The following CCBE1 variants were observed in gnomAD, a reference collection of about 807,000 sequenced individuals.
CCBE1 encodes collagen and calcium binding EGF domains 1, also known as collagen and calcium-binding EGF domain-containing protein 1.
Under a neutral mutation model 50.0 loss-of-function variants are expected in CCBE1, and 37 were observed. That is an observed-to-expected ratio of 0.74 (90% CI 0.57 to 0.97). CCBE1 has a LOEUF of 0.97. CCBE1 is among the 50% of genes least tolerant of loss of function. CCBE1 has a pLI of 0.00. For missense variants in CCBE1, 538 were observed against 523.8 expected (o/e 1.03, Z -0.26); for synonymous variants, 234 against 203.7 (o/e 1.15, Z -1.27).
At chr18:59,655,477 T>C (rs2054177595) in intron 2 of CCBE1, among the ~76,000 whole-genome samples, 1 of 152,152 alleles carries the variant, frequency 6.6e-6, no homozygotes, top group African/African-American at 2.4e-5. Context: ...AACATTTGAA[T>C]TCAGTTTCTC....
intron 2 of CCBE1, among the ~76,000 whole-genome samples, chr18:59,514,269 A>G (rs1914264731): frequency 1.3e-5 from 2 of 152,162 alleles, no homozygotes; most frequent in South Asian, 4.1e-4. Flanking sequence ...CGTATCCAAT[A>G]CACTGATGCT....
intron 2 of CCBE1, among the ~76,000 whole-genome samples, chr18:59,689,705 G>A (rs946693042): frequency 6.6e-6 from 1 of 152,200 alleles, no homozygotes; most frequent in Non-Finnish European, 1.5e-5. Context: ...TGGCCTAGGT[G>A]AACTGGGCTT....
At chr18:59,638,277 C>T (rs533969142) in intron 2 of CCBE1, among the ~76,000 whole-genome samples, 2 of 152,292 alleles carry the variant, frequency 1.3e-5, no homozygotes, top group East Asian at 1.9e-4. Context: ...AGAGAACTTT[C>T]ACACGCATAG....
intron 2 of CCBE1, among the ~76,000 whole-genome samples, chr18:59,511,322 T>C (rs1914123052): frequency 6.6e-6 from 1 of 152,240 alleles, no homozygotes; most frequent in African/African-American, 2.4e-5. Context: ...TTAATCAGAA[T>C]GATAACGATT....
intron 10 of CCBE1, among the ~76,000 whole-genome samples, chr18:59,437,061 G>A (rs756493166): frequency 6.6e-6 from 1 of 152,206 alleles, no homozygotes; most frequent in Non-Finnish European, 1.5e-5. Context: ...ATGAAGTTGA[G>A]AGGATGTTGT....
intron 2 of CCBE1, among the ~76,000 whole-genome samples, chr18:59,601,078 C>A (rs1053377509): frequency 1.7e-5 from 2 of 121,018 alleles, no homozygotes; most frequent in African/African-American, 6.2e-5. Flanking sequence ...GTCTCCCAGG[C>A]TGGAGTGCAG....
In CCBE1 at chr18:59,668,819, CTTTTTTTT is replaced by C. The variant is rs34632549; in HGVS notation, c.212+27802_212+27809del. ...TGCTGGATGATGGTTTTCCATAAGT[CTTTTTTTT>C]TTTTTTTTTTTTTGTGATATGGAGT... On this transcript the variant is annotated intron_variant, in intron 2 of 10. Transcript: ENST00000439986. Among the ~76,000 whole-genome samples, 4 of 99,176 alleles carry C rather than the reference CTTTTTTTT, an allele frequency of 4.0e-5. No individual in the cohort carries two copies. In the Admixed American group the frequency reaches 4.8e-4, roughly 12 times the overall value. The allele number at this position is 99,176 out of a possible 152,430, so 65.1% of individuals were successfully genotyped here.
At chr18:59,634,473 G>A (rs2053891285) in intron 2 of CCBE1, among the ~76,000 whole-genome samples, 1 of 152,188 alleles carries the variant, frequency 6.6e-6, no homozygotes, top group South Asian at 2.1e-4. Context: ...GTCCCGTGGA[G>A]GCCTGCTCTC....
rs115516168 is a variant in CCBE1, at chr18:59,502,888, C to T, written c.213-22650G>A. Among the ~76,000 whole-genome samples, 791 of 152,272 alleles carry T rather than the reference C, an allele frequency of 5.2e-3. 6 individuals are homozygous for T. Among genetic ancestry groups the T allele is most frequent in the African/African-American group, 0.018 (730 of 41,568 alleles). On this transcript the variant is annotated intron_variant, in intron 2 of 10. Coordinates refer to ENST00000439986, the MANE Select transcript of CCBE1 (RefSeq NM_133459.4). Reference sequence around the variant, plus strand: ...CAACCCTTCTAGTTTTGCAGTCTCTCCTATCAAAGGATGCATACGTTCTAG... The same window carrying T: ...CAACCCTTCTAGTTTTGCAGTCTCTTCTATCAAAGGATGCATACGTTCTAG...
At chr18:59,583,877 C>G (rs2053133301) in intron 2 of CCBE1, among the ~76,000 whole-genome samples, 1 of 152,150 alleles carries the variant, frequency 6.6e-6, no homozygotes. Context: ...TGTGGAGAAA[C>G]AGCAACACTT....
At chr18:59,552,843 G>T (rs770067794) in intron 2 of CCBE1, among the ~76,000 whole-genome samples, 1 of 152,144 alleles carries the variant, frequency 6.6e-6, no homozygotes, top group Non-Finnish European at 1.5e-5. Context: ...TGAATGTTTC[G>T]ATTTGGTTAA....
At chr18:59,664,154 C>T (rs151292481) in intron 2 of CCBE1, among the ~76,000 whole-genome samples, 2 of 152,070 alleles carry the variant, frequency 1.3e-5, no homozygotes, top group African/African-American at 2.4e-5. Context: ...TATCTTCACA[C>T]GGAAGGACAA....
At chr18:59,524,460 C>A (rs1914734961) in intron 2 of CCBE1, among the ~76,000 whole-genome samples, 1 of 151,960 alleles carries the variant, frequency 6.6e-6, no homozygotes, top group East Asian at 1.9e-4. Flanking sequence ...TTGTAATAAA[C>A]CTTTGCATTC....
intron 2 of CCBE1, among the ~76,000 whole-genome samples, chr18:59,679,304 G>C (rs898502558): frequency 6.6e-6 from 1 of 152,084 alleles, no homozygotes; most frequent in Non-Finnish European, 1.5e-5. Flanking sequence ...AATGACTTAA[G>C]AGAAATTACT....
chr18:59,451,727 T>G (rs375071321), intron 6 of CCBE1, among the ~76,000 whole-genome samples: 49 of 152,282 alleles, frequency 3.2e-4, no homozygotes, highest in African/African-American at 1.1e-3. Context: ...AGCAAGCACC[T>G]CTTCAGTTGC....
chr18:59,492,385 C>A (rs1226682660), intron 2 of CCBE1, among the ~76,000 whole-genome samples: 1 of 152,012 alleles, frequency 6.6e-6, no homozygotes, highest in Admixed American at 6.6e-5. Flanking sequence ...GGGCACATAA[C>A]CACCCAGAAT....
chr18:59,495,167 C>CT (rs1338016324), intron 2 of CCBE1, among the ~76,000 whole-genome samples: 2 of 152,034 alleles, frequency 1.3e-5, no homozygotes, highest in African/African-American at 4.8e-5. Flanking sequence ...GCTCATGTTT[C>CT]TTTTTTTCCC....
At chr18:59,541,310 T>C (rs1187571362) in intron 2 of CCBE1, among the ~76,000 whole-genome samples, 1 of 152,170 alleles carries the variant, frequency 6.6e-6, no homozygotes, top group East Asian at 1.9e-4. Flanking sequence ...GATGGGAAAC[T>C]AAAAACAAGG....
intron 2 of CCBE1, among the ~76,000 whole-genome samples, chr18:59,495,764 C>T (rs543873333): frequency 1.5e-3 from 227 of 152,236 alleles, no homozygotes; most frequent in African/African-American, 5.2e-3. Context: ...ACAGTAAGTT[C>T]GGTATGACAG....
Sources: gnomAD v4.1 joint callset for allele counts (sites outside exome capture counted in the v4.1 genomes callset) on GRCh38, gnomAD v4.1.1 for gene constraint, MANE v1.5 for transcripts, NCBI Gene and HGNC (gene_info 2026-07-23, HGNC 2026-07-21) for gene names.